Variants in SLC24A2 observed in about 807,000 individuals in gnomAD.
The protein encoded by SLC24A2 is sodium/potassium/calcium exchanger 2.
Under a neutral mutation model 62.0 loss-of-function variants are expected in SLC24A2, and 36 were observed. That is an observed-to-expected ratio of 0.58 (90% CI 0.44 to 0.77). SLC24A2 has a LOEUF of 0.77. Ranked by LOEUF, SLC24A2 falls within the 30% of genes least tolerant of loss-of-function variation. The pLI is 0.00. For missense variants in SLC24A2, 846 were observed against 817.9 expected, an observed-to-expected ratio of 1.03 and a Z score of -0.42; for synonymous variants, 358 against 294.0, an observed-to-expected ratio of 1.22 and a Z score of -2.23.
At chr9:19,798,923 G>A in the SLC24A2 span, among the ~76,000 whole-genome samples, 5 of 151,818 alleles carry the variant, frequency 3.3e-5, no homozygotes, top group African/African-American at 1.2e-4. Flanking sequence ...CATCTTCTTC[G>A]GGAATAATTA....
intron 2 of SLC24A2, among the ~76,000 whole-genome samples, chr9:19,764,501 G>T (rs1822451353): frequency 6.6e-6 from 1 of 152,134 alleles, no homozygotes; most frequent in South Asian, 2.1e-4. Context: ...GGTACATTGT[G>T]TCTTTGTTCT....
chr9:19,975,039 T>G, the SLC24A2 span, among the ~76,000 whole-genome samples: 1 of 152,180 alleles, frequency 6.6e-6, no homozygotes, highest in Non-Finnish European at 1.5e-5. Flanking sequence ...CATAAGTTTT[T>G]GTTGGCTAAA....
intron 2 of SLC24A2, among the ~76,000 whole-genome samples, chr9:19,724,476 G>A (rs1028303144): frequency 1.3e-5 from 2 of 152,164 alleles, no homozygotes; most frequent in Non-Finnish European, 2.9e-5. Context: ...ATGAACTGGG[G>A]AAATGTCTAA....
chr9:19,834,366 A>G, the SLC24A2 span, among the ~76,000 whole-genome samples: 2 of 151,564 alleles, frequency 1.3e-5, no homozygotes, highest in Non-Finnish European at 1.5e-5. Flanking sequence ...TAACCAATGC[A>G]GAGAAGTCCT....
At chr9:20,282,895 G>A in the SLC24A2 span, among the ~76,000 whole-genome samples, 1 of 152,096 alleles carries the variant, frequency 6.6e-6, no homozygotes, top group African/African-American at 2.4e-5. Flanking sequence ...AATGAACCTT[G>A]CATCTGTATC....
chr9:20,204,603 T>A, the SLC24A2 span, among the ~76,000 whole-genome samples: 1 of 152,194 alleles, frequency 6.6e-6, no homozygotes, highest in Non-Finnish European at 1.5e-5. Flanking sequence ...GCTGGCACCT[T>A]GGCATAAATC....
the SLC24A2 span, among the ~76,000 whole-genome samples, chr9:20,127,792 C>A: frequency 6.6e-6 from 1 of 152,088 alleles, no homozygotes; most frequent in Non-Finnish European, 1.5e-5. Context: ...GCAACTAGAC[C>A]AATGTCAGGC....
chr9:19,678,789 G>C (rs1361651915), intron 2 of SLC24A2, among the ~76,000 whole-genome samples: 1 of 152,208 alleles, frequency 6.6e-6, no homozygotes, highest in Non-Finnish European at 1.5e-5. Flanking sequence ...GCCTATCTGA[G>C]AGACAATAAT....
the SLC24A2 span, among the ~76,000 whole-genome samples, chr9:19,858,031 G>A: frequency 9.9e-5 from 15 of 152,106 alleles, no homozygotes; most frequent in Non-Finnish European, 2.2e-4. Flanking sequence ...AACCAAAAAA[G>A]AGCCTGAATA....
At chr9:19,911,117 T>C in the SLC24A2 span, among the ~76,000 whole-genome samples, 1 of 135,946 alleles carries the variant, frequency 7.4e-6, no homozygotes, top group African/African-American at 2.8e-5. Flanking sequence ...CTTTCCTGTG[T>C]CCATGTGTTC....
intron 2 of SLC24A2, among the ~76,000 whole-genome samples, chr9:19,720,039 A>T (rs967539383): frequency 5.3e-5 from 8 of 152,206 alleles, no homozygotes; most frequent in African/African-American, 1.9e-4. Context: ...GGGAAGTGAC[A>T]TAAATGAATG....
the SLC24A2 span, among the ~76,000 whole-genome samples, chr9:20,142,936 C>T: frequency 1.3e-5 from 2 of 152,176 alleles, no homozygotes; most frequent in African/African-American, 4.8e-5. Context: ...AGGAGGTCAT[C>T]TGCTGGAGCC....
the SLC24A2 span, among the ~76,000 whole-genome samples, chr9:20,128,542 A>G: frequency 6.6e-6 from 1 of 152,146 alleles, no homozygotes; most frequent in African/African-American, 2.4e-5. Flanking sequence ...TAATCAGAAC[A>G]ACATTCAAAA....
At chr9:20,169,156 T>C in the SLC24A2 span, among the ~76,000 whole-genome samples, 1 of 151,992 alleles carries the variant, frequency 6.6e-6, no homozygotes, top group South Asian at 2.1e-4. Context: ...GGCAAATTCA[T>C]AGATAGACAA....
the SLC24A2 span, among the ~76,000 whole-genome samples, chr9:19,874,081 T>TTTCTTTTC: frequency 8.8e-3 from 1,146 of 130,046 alleles, 10 homozygotes; most frequent in African/African-American, 0.034. Flanking sequence ...TTTTCTTTTT[T>TTTCTTTTC]TTTTTTTTTT....
At chr9:19,780,637 A>G (rs1009790515) in intron 2 of SLC24A2, among the ~76,000 whole-genome samples, 8 of 151,764 alleles carry the variant, frequency 5.3e-5, no homozygotes, top group African/African-American at 1.7e-4. Context: ...CTGTAATCCC[A>G]GCACTTTGGG....
the SLC24A2 span, among the ~76,000 whole-genome samples, chr9:19,871,587 T>A: frequency 6.6e-6 from 1 of 152,220 alleles, no homozygotes; most frequent in Non-Finnish European, 1.5e-5. Context: ...TATTCATATT[T>A]GTATATGTGT....
At chr9:19,774,955 CT>C (rs1822801910) in intron 2 of SLC24A2, among the ~76,000 whole-genome samples, 1 of 152,298 alleles carries the variant, frequency 6.6e-6, no homozygotes, top group South Asian at 2.1e-4. Context: ...GTTATCAGAG[CT>C]GGCAGTATCT....
the SLC24A2 span, among the ~76,000 whole-genome samples, chr9:20,108,490 C>T: frequency 6.6e-6 from 1 of 152,170 alleles, no homozygotes; most frequent in African/African-American, 2.4e-5. Context: ...AAACTTGGCA[C>T]ATATACACCA....
Sources: gnomAD v4.1 joint callset for allele counts (sites outside exome capture counted in the v4.1 genomes callset) on GRCh38, gnomAD v4.1.1 for gene constraint, MANE v1.5 for transcripts, NCBI Gene and HGNC (gene_info 2026-07-23, HGNC 2026-07-21) for gene names.